Variants in BLTP1 observed in about 807,000 individuals in gnomAD.
BLTP1 encodes the protein fragile site-associated protein.
At chr4:122,203,451 G>A in the BLTP1 span, among the ~76,000 whole-genome samples, 1 of 151,792 alleles carries the variant, frequency 6.6e-6, no homozygotes, top group Admixed American at 6.6e-5. Context: ...ATGTATTATA[G>A]GGTGTTTGCC....
At chr4:122,204,416 C>G in the BLTP1 span, 3 of 821,882 alleles carry the variant, frequency 3.7e-6, no homozygotes, top group African/African-American at 5.6e-5. Flanking sequence ...CTTCACATAA[C>G]TCTAAAATAG....
the BLTP1 span, chr4:122,200,450 C>T: frequency 1.8e-6 from 1 of 542,708 alleles, no homozygotes; most frequent in East Asian, 1.5e-4. Flanking sequence ...TGATGGCGCG[C>T]ATGCCTGTAA....
chr4:122,194,245 A>G, the BLTP1 span, among the ~76,000 whole-genome samples: 7 of 152,212 alleles, frequency 4.6e-5, no homozygotes, highest in African/African-American at 9.6e-5. Flanking sequence ...TGTAGTATAT[A>G]GGAATACCTG....
At chr4:122,281,898 A>C in the BLTP1 span, 2 of 1,297,260 alleles carry the variant, frequency 1.5e-6, no homozygotes, top group Admixed American at 7.5e-5. Flanking sequence ...TATAACATTT[A>C]AAGTTCATTA....
chr4:122,280,044 G>A, the BLTP1 span: 6 of 1,605,484 alleles, frequency 3.7e-6, no homozygotes, highest in Non-Finnish European at 5.1e-6. Flanking sequence ...ATTCTTTGCT[G>A]CATTAACAAA....
chr4:122,327,121 G>GTT, the BLTP1 span, among the ~76,000 whole-genome samples: 1 of 151,422 alleles, frequency 6.6e-6, no homozygotes, highest in African/African-American at 2.4e-5. Context: ...GTTTTGTTTT[G>GTT]TTTTGTTTTG....
chr4:122,195,973 C>A, the BLTP1 span, among the ~76,000 whole-genome samples: 1 of 152,094 alleles, frequency 6.6e-6, no homozygotes, highest in Non-Finnish European at 1.5e-5. Context: ...AATGTTAGCT[C>A]ATGTAGAAGA....
chr4:122,328,036 A>G, the BLTP1 span: 2 of 1,206,216 alleles, frequency 1.7e-6, no homozygotes, highest in Non-Finnish European at 2.2e-6. Flanking sequence ...AAATGTTTAA[A>G]TTTATATATT....
chr4:122,190,408 A>T, the BLTP1 span: 23 of 969,666 alleles, frequency 2.4e-5, no homozygotes, highest in Admixed American at 2.5e-4. Flanking sequence ...GTTTTTTTTT[A>T]AAAGTATGTT....
chr4:122,156,269 C>T, the BLTP1 span, among the ~76,000 whole-genome samples: 22 of 152,136 alleles, frequency 1.4e-4, no homozygotes, highest in East Asian at 1.9e-4. Context: ...TTAAAAGCAA[C>T]GGCAATGGAT....
chr4:122,271,722 C>T, the BLTP1 span: 3 of 1,545,482 alleles, frequency 1.9e-6, no homozygotes, highest in Non-Finnish European at 1.7e-6. Context: ...TTTGGACCAG[C>T]AGGTAACAGA....
the BLTP1 span, among the ~76,000 whole-genome samples, chr4:122,297,226 C>A: frequency 6.6e-6 from 1 of 152,020 alleles, no homozygotes. Flanking sequence ...AAAAAAAGCT[C>A]ATTAAAAAGT....
At chr4:122,232,070 A>G in the BLTP1 span, 8 of 985,402 alleles carry the variant, frequency 8.1e-6, no homozygotes, top group Non-Finnish European at 9.6e-6. Context: ...GAATGGAACT[A>G]AGGAGGTTAC....
chr4:122,265,060 C>CGT, the BLTP1 span, among the ~76,000 whole-genome samples: 1 of 152,030 alleles, frequency 6.6e-6, no homozygotes. Context: ...GAGAGTGGGA[C>CGT]GTGGGTGAGA....
chr4:122,349,059 C>G, the BLTP1 span: 1,612 of 1,003,792 alleles, frequency 1.6e-3, 53 homozygotes, highest in East Asian at 0.031. The surrounding 1 kb of genome is among the most constrained non-coding windows in gnomAD (Gnocchi z 4.5). Flanking sequence ...CAAACTTGAC[C>G]TTTTAAATAA....
the BLTP1 span, among the ~76,000 whole-genome samples, chr4:122,318,694 A>G: frequency 6.6e-6 from 1 of 152,182 alleles, no homozygotes; most frequent in Non-Finnish European, 1.5e-5. Context: ...GCTACTGTGC[A>G]TTGTAATGCA....
At chr4:122,152,716 A>G in the BLTP1 span, 18 of 864,504 alleles carry the variant, frequency 2.1e-5, no homozygotes, top group Non-Finnish European at 2.5e-5. Context: ...ACTCCTTCAT[A>G]TTCCTTTGCC....
chr4:122,302,826 C>T, the BLTP1 span, among the ~76,000 whole-genome samples: 1 of 152,178 alleles, frequency 6.6e-6, no homozygotes, highest in Non-Finnish European at 1.5e-5. Context: ...TTCCCCTAAG[C>T]TAAAGCCTAA....
the BLTP1 span, chr4:122,154,884 T>C: frequency 1.2e-6 from 1 of 851,714 alleles, no homozygotes; most frequent in Non-Finnish European, 1.4e-6. Flanking sequence ...AAAACAAAAA[T>C]TGAGAAAATG....
Sources: gnomAD v4.1 joint callset for allele counts (sites outside exome capture counted in the v4.1 genomes callset) on GRCh38, gnomAD v4.1.1 for gene constraint, Gnocchi (gnomAD v3.1) non-coding constraint, MANE v1.5 for transcripts, NCBI Gene and HGNC (gene_info 2026-07-23, HGNC 2026-07-21) for gene names.